The following INTS15 variants were observed in gnomAD, a reference collection of about 807,000 sequenced individuals.
The protein encoded by INTS15 is integrator complex subunit 15, also known as uncharacterized protein C7orf26.
the INTS15 span, among the ~76,000 whole-genome samples, chr7:6,596,690 T>C: frequency 6.6e-6 from 1 of 151,974 alleles, no homozygotes; most frequent in South Asian, 2.1e-4. Context: ...CCTTTTTTCT[T>C]GTTGTTAGGT....
the INTS15 span, chr7:6,591,688 T>G: frequency 6.2e-7 from 1 of 1,614,176 alleles, no homozygotes; most frequent in Non-Finnish European, 8.5e-7. Flanking sequence ...TGAAATCATG[T>G]GCAATTATTT....
At chr7:6,594,698 T>G in the INTS15 span, 1 of 1,153,600 alleles carries the variant, frequency 8.7e-7, no homozygotes, top group Non-Finnish European at 1.2e-6. Context: ...GTGAATGCTT[T>G]GGCTGTTTTG....
At chr7:6,600,245 G>A in the INTS15 span, 1 of 1,614,216 alleles carries the variant, frequency 6.2e-7, no homozygotes, top group East Asian at 2.2e-5. Context: ...CAACAGGTTG[G>A]CGGATGAACT....
the INTS15 span, among the ~76,000 whole-genome samples, chr7:6,595,969 T>G: frequency 3.3e-5 from 5 of 152,254 alleles, no homozygotes; most frequent in African/African-American, 1.2e-4. Context: ...ACCAGCACTT[T>G]GAAAGCCTTC....
chr7:6,592,901 C>T, the INTS15 span, among the ~76,000 whole-genome samples: 3 of 152,058 alleles, frequency 2.0e-5, no homozygotes, highest in East Asian at 1.9e-4. Flanking sequence ...TGAGCCACTG[C>T]GCCCAGCTTA....
the INTS15 span, chr7:6,608,340 C>T: frequency 1.4e-6 from 2 of 1,426,294 alleles, no homozygotes; most frequent in South Asian, 1.5e-5. Flanking sequence ...CTTTGACATG[C>T]AGATTGGATG....
chr7:6,605,560 G>T, the INTS15 span, among the ~76,000 whole-genome samples: 13 of 152,166 alleles, frequency 8.5e-5, no homozygotes, highest in Non-Finnish European at 1.6e-4. Flanking sequence ...TCCTGCCCTG[G>T]AGACTCTTGA....
the INTS15 span, among the ~76,000 whole-genome samples, chr7:6,598,682 A>G: frequency 2.7e-5 from 4 of 149,378 alleles, no homozygotes; most frequent in African/African-American, 1.0e-4. Context: ...CATGCACAGT[A>G]TAGCCTCCTG....
chr7:6,598,566 G>C, the INTS15 span, among the ~76,000 whole-genome samples: 1 of 151,944 alleles, frequency 6.6e-6, no homozygotes, highest in Non-Finnish European at 1.5e-5. Flanking sequence ...TACTCCAACA[G>C]TTGGCAGGAA....
the INTS15 span, among the ~76,000 whole-genome samples, chr7:6,592,266 G>C: frequency 6.6e-6 from 1 of 151,724 alleles, no homozygotes; most frequent in Admixed American, 6.6e-5. Context: ...TTGTTTGTTT[G>C]TTTAAATTAT....
the INTS15 span, among the ~76,000 whole-genome samples, chr7:6,603,139 A>G: frequency 6.6e-6 from 1 of 151,836 alleles, no homozygotes; most frequent in Non-Finnish European, 1.5e-5. Flanking sequence ...AATCCCGGCT[A>G]CTCGGGCGGC....
the INTS15 span, among the ~76,000 whole-genome samples, chr7:6,595,395 C>G: frequency 9.2e-5 from 14 of 152,152 alleles, no homozygotes; most frequent in African/African-American, 2.7e-4. Flanking sequence ...AACTCCTGGA[C>G]TCAAGCAGTC....
At chr7:6,602,545 G>C in the INTS15 span, 1 of 405,668 alleles carries the variant, frequency 2.5e-6, no homozygotes. Context: ...CACGGACCTG[G>C]GTTCTGGGCG....
At chr7:6,599,743 C>A in the INTS15 span, 1 of 1,350,572 alleles carries the variant, frequency 7.4e-7, no homozygotes, top group Non-Finnish European at 1.0e-6. Context: ...GTGCCATGGG[C>A]CTTGGGGTCA....
chr7:6,598,787 A>AT, the INTS15 span, among the ~76,000 whole-genome samples: 35,444 of 70,638 alleles, frequency 0.5, 8,421 homozygotes, highest in African/African-American at 0.66. Flanking sequence ...GTGTGTGTGT[A>AT]TTTTTTTTTT....
chr7:6,605,146 C>T, the INTS15 span, among the ~76,000 whole-genome samples: 1 of 152,090 alleles, frequency 6.6e-6, no homozygotes, highest in Non-Finnish European at 1.5e-5. Context: ...GTGCCTGCCA[C>T]CACGCCTAAT....
At chr7:6,600,503 C>T in the INTS15 span, 10 of 837,466 alleles carry the variant, frequency 1.2e-5, no homozygotes, top group African/African-American at 3.4e-5. Flanking sequence ...GTGCCCCAGC[C>T]GTGCCCCCTG....
the INTS15 span, among the ~76,000 whole-genome samples, chr7:6,598,956 T>G: frequency 4.0e-5 from 6 of 151,820 alleles, no homozygotes; most frequent in African/African-American, 1.5e-4. Flanking sequence ...CCGGCTAACT[T>G]TTAAGAATTT....
chr7:6,596,999 C>T, the INTS15 span, among the ~76,000 whole-genome samples: 79 of 151,984 alleles, frequency 5.2e-4, 3 homozygotes, highest in South Asian at 2.7e-3. Context: ...AGGATGGTCT[C>T]GATCACCTGA....
Sources: gnomAD v4.1 joint callset for allele counts (sites outside exome capture counted in the v4.1 genomes callset) on GRCh38, gnomAD v4.1.1 for gene constraint, MANE v1.5 for transcripts, NCBI Gene and HGNC (gene_info 2026-07-23, HGNC 2026-07-21) for gene names.